Variants in MAPK8IP3 observed in about 807,000 individuals in gnomAD.
The protein encoded by MAPK8IP3 is mitogen-activated protein kinase 8 interacting protein 3.
MAPK8IP3 carries 49 observed loss-of-function variants against 157.8 expected under a neutral mutation model. The observed-to-expected ratio is 0.31, with a 90% CI of 0.25 to 0.39. MAPK8IP3 has a LOEUF of 0.39. MAPK8IP3 is among the 10% of genes least tolerant of loss of function. The pLI, the probability that MAPK8IP3 is intolerant of heterozygous loss-of-function variation, is 1.00. For missense variants in MAPK8IP3, 1,478 were observed against 1,889.4 expected (o/e 0.78, Z 4.04); for synonymous variants, 897 against 777.7 (o/e 1.15, Z -2.55).
In MAPK8IP3 at chr16:1,763,327, C is replaced by T. The variant is rs548399756; in HGVS notation, c.1898+321C>T. 3.4e-4 allele frequency among the ~76,000 whole-genome samples: 52 copies of T among 152,388 alleles called. No individual in the cohort carries two copies. In the South Asian group the frequency reaches 3.5e-3, roughly 10 times the overall value. ...TTCAGGCGTCTGTCCAGCAGGGAGT[C>T]GCTGGTCATGCCTGTGCCCCGGCGG... On this transcript the variant is annotated intron_variant, in intron 16 of 31. Coordinates refer to ENST00000610761, the MANE Select transcript of MAPK8IP3 (RefSeq NM_001318852.2).
Position 1,743,722 on chromosome 16 carries a change from C to A in MAPK8IP3, c.747+246C>A, listed in dbSNP as rs2040812175. The stretch of plus-strand genomic sequence containing the variant: ...TCGGCACCTGCTAGTCCAGGCTAGA[C>A]CTCCCTGCCCTTGGATAGACCGCTC... On this transcript the variant is annotated intron_variant, in intron 5 of 31. Transcript: ENST00000610761. The surrounding 1 kb of genome is among the most constrained non-coding windows in gnomAD (Gnocchi z 5.6). 7.2e-7 allele frequency: 1 copy of A among 1,381,352 alleles called. No individual in the cohort carries two copies. The highest frequency in any genetic ancestry group is 9.3e-7 in the Non-Finnish European group (1 of 1,074,866). The allele number at this position is 1,381,352 out of a possible 1,614,324, so 85.6% of individuals were successfully genotyped here. A position where few individuals can be genotyped will look rare whatever the true frequency, so the allele number is the denominator to read the frequency against.
intron 4 of MAPK8IP3, among the ~76,000 whole-genome samples, chr16:1,740,947 C>T (rs1049615593): frequency 3.9e-5 from 6 of 152,198 alleles, no homozygotes; most frequent in African/African-American, 9.7e-5. Context: ...CCGTCCAGGT[C>T]GCCCACACTC....
Position 1,718,707 on chromosome 16 carries a change from C to G in MAPK8IP3, c.319-5850C>G, listed in dbSNP as rs564671343. 1.2e-3 allele frequency among the ~76,000 whole-genome samples: 185 copies of G among 151,508 alleles called. 6 individuals carry two copies. The highest frequency in any genetic ancestry group is 0.012 in the Admixed American group (185 of 15,224). On this transcript the variant is annotated intron_variant, in intron 1 of 31. Coordinates refer to ENST00000610761, the MANE Select transcript of MAPK8IP3 (RefSeq NM_001318852.2). ...TAGTCAGAGGCCGAGGCAGGAGAAT[C>G]GCTTGAACCTGGGAGATGGAGGTTG... is the stretch of plus-strand genomic sequence containing the variant.
At chr16:1,746,601 G>A in intron 5 of MAPK8IP3, 1 of 203,806 alleles carries the variant, frequency 4.9e-6, no homozygotes, top group Non-Finnish European at 1.0e-5. Flanking sequence ...TGGTGACGGG[G>A]CAGCGGTGGC....
intron 8 of MAPK8IP3, among the ~76,000 whole-genome samples, chr16:1,756,436 TG>T (rs1275095595): frequency 2.0e-5 from 3 of 151,636 alleles, no homozygotes; most frequent in South Asian, 2.1e-4. Flanking sequence ...GCCTGGGAGG[TG>T]GATCGCGCCA....
At chr16:1,750,252 C>T (rs992894326) in intron 8 of MAPK8IP3, among the ~76,000 whole-genome samples, 18 of 152,250 alleles carry the variant, frequency 1.2e-4, no homozygotes, top group African/African-American at 3.6e-4. Flanking sequence ...CCCGCTCTGT[C>T]GCCAGGCTGG....
chr16:1,753,945 G>A (rs2041445830), intron 8 of MAPK8IP3, among the ~76,000 whole-genome samples: 1 of 151,768 alleles, frequency 6.6e-6, no homozygotes, highest in South Asian at 2.1e-4. Flanking sequence ...AGGCCGAGGC[G>A]GGTGGGTCAT....
At chr16:1,758,911 C>T (rs1351468090) in intron 9 of MAPK8IP3, 67 bp from the exon 10 acceptor site, 28 of 1,565,350 alleles carry the variant, frequency 1.8e-5, no homozygotes, top group South Asian at 8.9e-5. Flanking sequence ...CGCTTCTCTT[C>T]TCTCCCTTTC....
chr16:1,736,466 A>G (rs1257973314), intron 4 of MAPK8IP3, among the ~76,000 whole-genome samples: 22 of 21,680 alleles, frequency 1.0e-3, no homozygotes, highest in South Asian at 4.0e-3. Context: ...GTGACCATCC[A>G]TGTGAGCATC....
At chr16:1,754,726 A>G (rs1050195056) in intron 8 of MAPK8IP3, among the ~76,000 whole-genome samples, 16 of 151,538 alleles carry the variant, frequency 1.1e-4, no homozygotes, top group Non-Finnish European at 2.1e-4. Flanking sequence ...AACTGAGATC[A>G]TGCCACTGCA....
At chr16:1,738,266 C>G (rs866178852) in intron 4 of MAPK8IP3, among the ~76,000 whole-genome samples, 486 of 44,900 alleles carry the variant, frequency 0.011, no homozygotes, top group Middle Eastern at 0.077. Flanking sequence ...GAGCGTGTGA[C>G]CGTCCGTGTG....
chr16:1,759,315 A>G (rs1567197409), intron 10 of MAPK8IP3, among the ~76,000 whole-genome samples: 1 of 152,234 alleles, frequency 6.6e-6, no homozygotes, highest in Non-Finnish European at 1.5e-5. Flanking sequence ...GACAGCAGGC[A>G]GGACCCCTGA....
intron 20 of MAPK8IP3, 89 bp from the exon 21 acceptor site, chr16:1,765,871 C>G (rs142741350): frequency 2.1e-5 from 27 of 1,256,648 alleles, no homozygotes; most frequent in African/African-American, 2.9e-5. Context: ...AGGCCAGCCC[C>G]GGCTTCCTCT....
chr16:1,724,718 G>A lies in MAPK8IP3; in HGVS notation c.439+41G>A, dbSNP rs765885392. 84 of 1,598,990 alleles carry A rather than the reference G, an allele frequency of 5.3e-5. No individual in the cohort carries two copies. The highest frequency in any genetic ancestry group is 2.0e-4 in the Admixed American group (12 of 59,704). ...GAGCCTGGAGGCGCGCTTGATGGGC[G>A]CTGCTCTGGGACGGCTCTGGTTGGG... On this transcript the variant is annotated intron_variant, in intron 2 of 31. Transcript: ENST00000610761. This position sits in a 1 kb window ranked among gnomAD's most constrained non-coding sequence, Gnocchi z 4.1.
intron 4 of MAPK8IP3, among the ~76,000 whole-genome samples, chr16:1,732,636 C>A (rs1219933205): frequency 6.6e-6 from 1 of 152,238 alleles, no homozygotes; most frequent in Non-Finnish European, 1.5e-5. Context: ...ATCTGCCCAC[C>A]CAGAGCACCA....
chr16:1,767,588 C>T lies in MAPK8IP3; in HGVS notation c.3262C>T (p.Arg1088Trp), dbSNP rs1180762344. 1.9e-6 allele frequency: 3 copies of T among 1,612,144 alleles called. No homozygotes were observed. Among genetic ancestry groups the T allele is most frequent in the Non-Finnish European group, 1.7e-6 (2 of 1,179,776 alleles). ...GAAGTCATTTGACGCCCACCCGCGG[C>T]GGGAGAGCCAGGTGCGGCAGCTGGC... ...IEKSFDAHPR[R>W]ESQVRQLAWI... Residue 1088 changes from arginine to tryptophan, a missense_variant, in exon 27 of 32, where the codon CGG becomes TGG. This residue lies in a region of MAPK8IP3 where 68 missense variants were observed against 125.1 expected (regional missense o/e 0.54). Transcript: ENST00000610761.
In MAPK8IP3 at chr16:1,766,640, G is replaced by A. The variant is rs2042278688; in HGVS notation, c.2931G>A (p.Gln977=). 2 of 1,612,248 alleles carry A rather than the reference G, an allele frequency of 1.2e-6. No individual in the cohort carries two copies. Among genetic ancestry groups the A allele is most frequent in the African/African-American group, 1.3e-5 (1 of 74,944 alleles). The change falls in exon 23 of 32, where the codon CAG becomes CAA. Residue 977 remains glutamine (Q), a synonymous_variant. Transcript: ENST00000610761. ...CACCCACCATGTGGCTGGGAGCCCA[G>A]AACGGCTGGTAGGAAGGGCCCGGGG... ...SAAPTMWLGA[Q]NGWLYVHSAV...
intron 1 of MAPK8IP3, among the ~76,000 whole-genome samples, chr16:1,711,648 T>C (rs1262056784): frequency 6.6e-6 from 1 of 152,138 alleles, no homozygotes; most frequent in East Asian, 1.9e-4. Context: ...CTGTTGAAAG[T>C]TGGGGTCCCA....
At position 1,743,268 on chromosome 16, in the gene MAPK8IP3, G is replaced by T; in HGVS notation, c.603-64G>T. 6.8e-7 allele frequency: 1 copy of T among 1,473,310 alleles called. No homozygotes were observed. Among genetic ancestry groups the T allele is most frequent in the Non-Finnish European group, 8.9e-7 (1 of 1,118,638 alleles). 91.3% of individuals were successfully genotyped at this position (1,473,310 alleles called of 1,614,324 possible). A position where few individuals can be genotyped will look rare whatever the true frequency, so the allele number is the denominator to read the frequency against. ...CTCGAGGTCTGCTTGCCCTGGGAGG[G>T]CTTGGGAAATCTTCACGGCCACCCT... On this transcript the variant is annotated intron_variant, in intron 4 of 31. Transcript: ENST00000610761. This position sits in a 1 kb window ranked among gnomAD's most constrained non-coding sequence, Gnocchi z 5.6.
Sources: gnomAD v4.1 joint callset for allele counts (sites outside exome capture counted in the v4.1 genomes callset) on GRCh38, gnomAD v4.1.1 for gene constraint, gnomAD v4.1.1 regional missense constraint, Gnocchi (gnomAD v3.1) non-coding constraint, MANE v1.5 for transcripts, NCBI Gene and HGNC (gene_info 2026-07-23, HGNC 2026-07-21) for gene names.